The following PFKL variants were observed in gnomAD, a reference collection of about 807,000 sequenced individuals.
PFKL encodes phosphofructokinase, liver type.
In PFKL, 74 loss-of-function variants were observed where a neutral mutation model predicts 92.1. That is an observed-to-expected ratio of 0.80 (90% CI 0.67 to 0.97). The LOEUF is 0.97. PFKL is among the 50% of genes least tolerant of loss of function. The pLI, the probability that PFKL is intolerant of heterozygous loss-of-function variation, is 0.00. For missense variants in PFKL, 1,028 were observed against 1,116.6 expected, an observed-to-expected ratio of 0.92 and a Z score of 1.13; for synonymous variants, 494 against 456.4, an observed-to-expected ratio of 1.08 and a Z score of -1.05.
Position 44,327,110 on chromosome 21 carries a change from G to A in PFKL, c.*248G>A, listed in dbSNP as rs556615324. On this transcript the variant is annotated 3_prime_UTR_variant, in exon 22 of 22. Transcript: ENST00000349048. ...CTGGGGCATCCACCTTCCTGCCCAG[G>A]GGACGTGGCGCTGTCGGTGTTTGGA... 2 of 552,840 alleles carry A rather than the reference G, an allele frequency of 3.6e-6. No individual in the cohort carries two copies. The highest frequency in any genetic ancestry group is 3.1e-5 in the Admixed American group (1 of 32,368). The allele number at this position is 552,840 out of a possible 1,614,324, so 34.2% of individuals were successfully genotyped here. A position where few individuals can be genotyped will look rare whatever the true frequency, so the allele number is the denominator to read the frequency against.
At chr21:44,303,559 G>A (rs781379929) in intron 1 of PFKL, among the ~76,000 whole-genome samples, 2 of 151,786 alleles carry the variant, frequency 1.3e-5, no homozygotes, top group East Asian at 1.9e-4. Flanking sequence ...GCAGGACACC[G>A]TGCCCTGCCT....
At chr21:44,305,856 T>C in intron 1 of PFKL, 1 of 1,366,366 alleles carries the variant, frequency 7.3e-7, no homozygotes, top group African/African-American at 1.5e-5. Context: ...ACTGCAGTCC[T>C]GGGAGCCGAG....
Position 44,316,254 on chromosome 21 carries a change from G to T in PFKL, c.758G>T (p.Arg253Leu). Reference protein sequence around the residue: ...MCERLGETRSRGSRLNIIIIA... With the variant: ...MCERLGETRSLGSRLNIIIIA... ...GTGTCTTTGACCCAGACTCGGAGCC[G>T]TGGGTCCCGACTGAACATCATCATC... Residue 253 changes from arginine (R) to leucine (L), a missense_variant, in exon 8 of 22, where the codon CGT (arginine) becomes CTT (leucine). Coordinates refer to ENST00000349048, the MANE Select transcript of PFKL (RefSeq NM_002626.6). 6.2e-7 allele frequency: 1 copy of T among 1,613,022 alleles called. No homozygotes were observed. The highest frequency in any genetic ancestry group is 8.5e-7 in the Non-Finnish European group (1 of 1,179,878).
In PFKL at chr21:44,324,953, G is replaced by A. The variant is rs58891064; in HGVS notation, c.1877+36G>A. 104 of 1,566,238 alleles carry A rather than the reference G, an allele frequency of 6.6e-5. 1 individual carries two copies. The highest frequency in any genetic ancestry group is 5.3e-4 in the South Asian group (46 of 87,182). ...CGTGGGTCCCTGGCCACAGCTGCGC[G>A]TCCAACTCTCGGGGCTGGGGTGGGG... On this transcript the variant is annotated intron_variant, in intron 18 of 21. Coordinates refer to ENST00000349048, the MANE Select transcript of PFKL (RefSeq NM_002626.6).
intron 1 of PFKL, among the ~76,000 whole-genome samples, chr21:44,301,019 A>G (rs2040760160): frequency 6.6e-6 from 1 of 152,194 alleles, no homozygotes. Context: ...TGGGTTGGGA[A>G]GGGGCCCAGC....
intron 3 of PFKL, among the ~76,000 whole-genome samples, chr21:44,311,795 C>A (rs1458415818): frequency 2.0e-5 from 3 of 152,166 alleles, no homozygotes; most frequent in Non-Finnish European, 1.5e-5. Context: ...TGCACGTGTG[C>A]ACGCACATGT....
Position 44,326,223 on chromosome 21 carries a change from C to T in PFKL, c.2154C>T (p.Ala718=), listed in dbSNP as rs1232821806. Residue 718 remains alanine, a synonymous_variant, in exon 21 of 22, where the codon GCC becomes GCT. Coordinates refer to ENST00000349048, the MANE Select transcript of PFKL (RefSeq NM_002626.6). ...TCGGCCTGAAGAAGAAGGCGGTGGC[C>T]TTCAGCCCCGTCACTGAGCTCAAGA... The part of the protein sequence containing the change: ...CVIGLKKKAV[A]FSPVTELKKD... The T allele has an allele frequency of 1.9e-6, 3 of 1,612,892 alleles. No individual in the cohort carries two copies. Among genetic ancestry groups the T allele is most frequent in the Non-Finnish European group, 2.5e-6 (3 of 1,179,754 alleles).
At chr21:44,303,397 C>T (rs1273600905) in intron 1 of PFKL, among the ~76,000 whole-genome samples, 5 of 97,490 alleles carry the variant, frequency 5.1e-5, no homozygotes, top group Non-Finnish European at 7.4e-5. Flanking sequence ...GGTGACAGAA[C>T]GAGACTCTGT....
At position 44,324,602 on chromosome 21, in the gene PFKL, G is replaced by T; in HGVS notation, c.1762G>T (p.Gly588Trp). The T allele has an allele frequency of 6.2e-7, 1 of 1,612,374 alleles. No homozygotes were observed. The change falls in exon 17 of 22, where the codon GGG becomes TGG. Residue 588 changes from glycine to tryptophan, a missense_variant. Transcript: ENST00000349048. ...GGCCACCGTGACTGGCATTGCTGTG[G>T]GGGCCGACGCCGCCTACGTCTTCGA... ...YLATVTGIAV[G>W]ADAAYVFEDP...
At chr21:44,319,966 T>G in intron 11 of PFKL, 118 bp from the exon 12 acceptor site, 2 of 873,748 alleles carry the variant, frequency 2.3e-6, no homozygotes, top group Non-Finnish European at 3.8e-6. Context: ...GCCTCATGGC[T>G]GAGCTTCCAT....
At chr21:44,306,868 G>A in intron 2 of PFKL, 114 bp downstream of exon 2, 1 of 896,654 alleles carries the variant, frequency 1.1e-6, no homozygotes, top group Admixed American at 2.0e-5. Flanking sequence ...GCCTGGAGGA[G>A]CTGATGGGTA....
rs764326487 is a variant in PFKL, at chr21:44,324,652, A to G, written c.1812A>G (p.Leu604=). ...AGGACCCTTTCAACATCCACGACTT[A>G]AAGGTGAGCCCAGCCCAGCCCCTGC... The part of the protein sequence containing the change: ...VFEDPFNIHD[L]KVNVEHMTEK... The change falls in exon 17 of 22, where the codon TTA becomes TTG. Residue 604 remains leucine (L), a synonymous_variant. Coordinates refer to ENST00000349048, the MANE Select transcript of PFKL (RefSeq NM_002626.6). 3.8e-6 allele frequency: 6 copies of G among 1,587,090 alleles called. No homozygotes were observed. The highest frequency in any genetic ancestry group is 5.2e-6 in the Non-Finnish European group (6 of 1,164,988).
intron 1 of PFKL, among the ~76,000 whole-genome samples, chr21:44,303,745 T>C (rs4350841): frequency 0.24 from 36,123 of 152,000 alleles, 4,388 homozygotes; most frequent in East Asian, 0.38. Context: ...CTTTCTTGCC[T>C]GGGAGCTAAT....
chr21:44,320,434 G>A (rs1009968396), intron 12 of PFKL: 7 of 307,018 alleles, frequency 2.3e-5, no homozygotes, highest in Non-Finnish European at 3.7e-5. Flanking sequence ...AAGCCATTGT[G>A]TAGAAAATGT....
At chr21:44,301,226 G>A (rs1188092508) in intron 1 of PFKL, among the ~76,000 whole-genome samples, 1 of 152,210 alleles carries the variant, frequency 6.6e-6, no homozygotes, top group Non-Finnish European at 1.5e-5. Flanking sequence ...GCTCGTGGGT[G>A]TCACTGTCTG....
In PFKL at chr21:44,321,572, T is replaced by C; in HGVS notation, c.1192-157T>C. 6 of 611,400 alleles carry C rather than the reference T, an allele frequency of 9.8e-6. No individual in the cohort carries two copies. In the South Asian group the frequency reaches 1.7e-4, roughly 17 times the overall value. 37.9% of individuals were successfully genotyped at this position (611,400 alleles called of 1,614,324 possible). On this transcript the variant is annotated intron_variant, in intron 12 of 21. Transcript: ENST00000349048. ...TCTTCTGGAATTAGAACAGATACCGTATTCCCAGGGCAGTTGGGCGGTGTG... is the reference window on the plus strand; with the variant it reads ...TCTTCTGGAATTAGAACAGATACCGCATTCCCAGGGCAGTTGGGCGGTGTG...
At chr21:44,304,162 C>G in intron 1 of PFKL, 2 of 1,267,672 alleles carry the variant, frequency 1.6e-6, no homozygotes, top group African/African-American at 3.1e-5. Context: ...TTGGCAGCTT[C>G]ATTGTCTCCG....
chr21:44,325,086 G>A lies in PFKL; in HGVS notation c.1878-67G>A, dbSNP rs553140680. Reference sequence around the variant, plus strand: ...CTCCCTCTCCCAGGCCTGGCCCAGCGGGGACTCAGGATCGGGGGGAGACCT... The same window carrying A: ...CTCCCTCTCCCAGGCCTGGCCCAGCAGGGACTCAGGATCGGGGGGAGACCT... On this transcript the variant is annotated intron_variant, in intron 18 of 21. Transcript: ENST00000349048. 2,392 of 1,280,668 alleles carry A rather than the reference G, an allele frequency of 1.9e-3. 57 individuals are homozygous for A. The South Asian group carries it at 0.028, about 15-fold the overall frequency. 79.3% of individuals were successfully genotyped at this position (1,280,668 alleles called of 1,614,324 possible).
In PFKL at chr21:44,323,938, C is replaced by A. The variant is rs146019359; in HGVS notation, c.1650+20C>A. On this transcript the variant is annotated intron_variant, in intron 16 of 21. Transcript: ENST00000349048. ...ATGGAGGTACGGGGCTCCTGGACAC[C>A]GGCCTGCCATGCCCAGGCCCTTGTG... 3.1e-6 allele frequency: 5 copies of A among 1,612,602 alleles called. No individual in the cohort carries two copies. The highest frequency in any genetic ancestry group is 3.4e-6 in the Non-Finnish European group (4 of 1,179,708).
Sources: gnomAD v4.1 joint callset for allele counts (sites outside exome capture counted in the v4.1 genomes callset) on GRCh38, gnomAD v4.1.1 for gene constraint, MANE v1.5 for transcripts, NCBI Gene and HGNC (gene_info 2026-07-23, HGNC 2026-07-21) for gene names.